GPR160: variants seen among roughly 807,000 people sequenced by gnomAD.
The protein encoded by GPR160 is probable G protein-coupled receptor 160.
Under a neutral mutation model 2.6 loss-of-function variants are expected in GPR160, and 2 were observed. The observed-to-expected ratio is 0.77, with a 90% CI of 0.32 to 2.44. The LOEUF (loss-of-function observed/expected upper bound fraction) is 2.44. Ranked by LOEUF, GPR160 falls within the 30% of genes most tolerant of loss-of-function variation. GPR160 has a pLI of 0.11. For missense variants in GPR160, 351 were observed against 383.6 expected (o/e 0.91, Z 0.71); for synonymous variants, 130 against 132.2 (o/e 0.98, Z 0.12).
At chr3:170,056,602 C>A (rs1161474638) in intron 2 of GPR160, among the ~76,000 whole-genome samples, 2 of 152,154 alleles carry the variant, frequency 1.3e-5, no homozygotes, top group Non-Finnish European at 2.9e-5. Context: ...GTCTGGGAAC[C>A]ATTCTGTTTA....
chr3:170,059,123 AT>A (rs1160896480), intron 2 of GPR160, among the ~76,000 whole-genome samples: 1 of 152,144 alleles, frequency 6.6e-6, no homozygotes, highest in Non-Finnish European at 1.5e-5. Flanking sequence ...GGGTGGGTGG[AT>A]ATTAGTGGAG....
At chr3:170,052,676 C>T (rs1416766817) in intron 2 of GPR160, among the ~76,000 whole-genome samples, 2 of 152,116 alleles carry the variant, frequency 1.3e-5, no homozygotes, top group Non-Finnish European at 2.9e-5. Context: ...GCATTTTCTC[C>T]CAGTCTGTAA....
intron 2 of GPR160, among the ~76,000 whole-genome samples, chr3:170,059,030 A>AACACAC (rs10542909): frequency 7.3e-4 from 109 of 148,900 alleles, no homozygotes; most frequent in African/African-American, 2.5e-3. Context: ...CACATGCACA[A>AACACAC]ACACACACAC....
At position 170,058,129 on chromosome 3, in the gene GPR160, A is replaced by G. The variant is rs190810810; in HGVS notation, c.-193+19086A>G. ...GGAGGGATAGGAAAAAGAACCAGTT[A>G]GAACAGTTTTGTATTAAGTCAAGTG... On this transcript the variant is annotated intron_variant, in intron 2 of 3. Transcript: ENST00000355897. 5.9e-5 allele frequency: 9 copies of G among 152,386 alleles called. No individual in the cohort carries two copies. In the East Asian group the frequency reaches 1.5e-3, roughly 26 times the overall value. 9.4% of individuals were successfully genotyped at this position (152,386 alleles called of 1,614,324 possible).
At chr3:170,072,048 A>G (rs996947981) in intron 2 of GPR160, among the ~76,000 whole-genome samples, 8 of 148,834 alleles carry the variant, frequency 5.4e-5, no homozygotes, top group Non-Finnish European at 8.9e-5. Context: ...TAAAGCTCCT[A>G]CATATATTTG....
intron 2 of GPR160, among the ~76,000 whole-genome samples, chr3:170,055,217 T>C (rs1711575926): frequency 6.6e-6 from 1 of 152,206 alleles, no homozygotes; most frequent in African/African-American, 2.4e-5. Context: ...AGAATGGTAG[T>C]GGGGCAAGCT....
At chr3:170,046,820 G>A (rs924398466) in intron 2 of GPR160, among the ~76,000 whole-genome samples, 3 of 152,204 alleles carry the variant, frequency 2.0e-5, no homozygotes, top group Admixed American at 6.5e-5. Context: ...AGGAGGTACA[G>A]AAGTGAACCC....
At chr3:170,048,774 G>A (rs1716838164) in intron 2 of GPR160, among the ~76,000 whole-genome samples, 3 of 152,140 alleles carry the variant, frequency 2.0e-5, no homozygotes, top group South Asian at 2.1e-4. Context: ...TTGTGTCGCC[G>A]GGTTCTCCCC....
chr3:170,083,941 T>C lies in GPR160; in HGVS notation c.-32T>C. The C allele has an allele frequency of 7.8e-7, 1 of 1,289,936 alleles. No individual in the cohort carries two copies. The highest frequency in any genetic ancestry group is 1.9e-5 in the South Asian group (1 of 53,638). The allele number at this position is 1,289,936 out of a possible 1,614,324, so 79.9% of individuals were successfully genotyped here. A position where few individuals can be genotyped will look rare whatever the true frequency, so the allele number is the denominator to read the frequency against. The stretch of plus-strand genomic sequence containing the variant: ...GAAGCAGTGTTTTATCATGTGTATT[T>C]CAGCAGGTCTTCTTGAAATTTAACT... On this transcript the variant is annotated 5_prime_UTR_variant, in exon 4 of 4. Coordinates refer to ENST00000355897, the MANE Select transcript of GPR160 (RefSeq NM_014373.3).
chr3:170,074,336 C>T (rs1712747072), intron 2 of GPR160, among the ~76,000 whole-genome samples: 1 of 152,046 alleles, frequency 6.6e-6, no homozygotes, highest in South Asian at 2.1e-4. Flanking sequence ...ACTCACTTTC[C>T]CAATTTTGGT....
chr3:170,082,973 GTTT>G (rs34311852), intron 3 of GPR160, among the ~76,000 whole-genome samples: 1,796 of 136,402 alleles, frequency 0.013, 38 homozygotes, highest in African/African-American at 0.046. Context: ...CATTTTTGGG[GTTT>G]TTTTTTTTTT....
At chr3:170,067,613 C>G (rs995262659) in intron 2 of GPR160, among the ~76,000 whole-genome samples, 46 of 152,240 alleles carry the variant, frequency 3.0e-4, no homozygotes, top group Non-Finnish European at 1.8e-4. Context: ...CTCCAATAGG[C>G]CCCTTCCATG....
rs960663467 is a variant in GPR160 at position 170,038,395 on chromosome 3, G to C, written c.-322+180G>C. 8 of 152,222 alleles carry C rather than the reference G, an allele frequency of 5.3e-5. No individual in the cohort carries two copies. Among genetic ancestry groups the C allele is most frequent in the African/African-American group, 1.9e-4 (8 of 41,534 alleles). The allele number at this position is 152,222 out of a possible 1,614,324, so 9.4% of individuals were successfully genotyped here. A position where few individuals can be genotyped will look rare whatever the true frequency, so the allele number is the denominator to read the frequency against. On this transcript the variant is annotated intron_variant, in intron 1 of 3. Transcript: ENST00000355897. The surrounding 1 kb of genome is among the most constrained non-coding windows in gnomAD (Gnocchi z 5.3). Reference sequence around the variant, plus strand: ...GCTGGGGGTTCTCTGCTACTTAAGAGATCCAGGAGTGGAGCCCGGACGCCC... The same window carrying C: ...GCTGGGGGTTCTCTGCTACTTAAGACATCCAGGAGTGGAGCCCGGACGCCC...
At chr3:170,066,797 A>G (rs1712369072) in intron 2 of GPR160, among the ~76,000 whole-genome samples, 1 of 152,144 alleles carries the variant, frequency 6.6e-6, no homozygotes. Flanking sequence ...CACAGGACAT[A>G]TATGTATGTT....
Position 170,062,355 on chromosome 3 carries a change from G to A in GPR160, c.-192-17419G>A, listed in dbSNP as rs922236653. 9 of 298,476 alleles carry A rather than the reference G, an allele frequency of 3.0e-5. No individual in the cohort carries two copies. The East Asian group carries it at 7.0e-4, about 23-fold the overall frequency. The allele number at this position is 298,476 out of a possible 1,614,324, so 18.5% of individuals were successfully genotyped here. On this transcript the variant is annotated intron_variant, in intron 2 of 3. Coordinates refer to ENST00000355897, the MANE Select transcript of GPR160 (RefSeq NM_014373.3). ...GGGTCCAGGGAGGCGCTGCACCGAC[G>A]TTGGGGAGAATGTATGTCCTGGCAA...
rs1030547056 is a variant in GPR160 at position 170,085,252 on chromosome 3, A to G, written c.*263A>G. The G allele has an allele frequency of 1.4e-4, 33 of 238,486 alleles. No individual in the cohort carries two copies. Among genetic ancestry groups the G allele is most frequent in the Non-Finnish European group, 2.3e-4 (27 of 116,752 alleles). 14.8% of individuals were successfully genotyped at this position (238,486 alleles called of 1,614,324 possible). ...CTTTGTTATTAACACAAAAAGTGAT[A>G]AGAGTTAACATTTGGCTATACTGAT... On this transcript the variant is annotated 3_prime_UTR_variant, in exon 4 of 4. Coordinates refer to ENST00000355897, the MANE Select transcript of GPR160 (RefSeq NM_014373.3).
intron 2 of GPR160, among the ~76,000 whole-genome samples, chr3:170,065,467 A>G (rs1712276717): frequency 6.6e-6 from 1 of 152,182 alleles, no homozygotes; most frequent in South Asian, 2.1e-4. Context: ...ATTGTACTCT[A>G]CATGGTTTTT....
chr3:170,080,959 C>A (rs1312447188), intron 3 of GPR160, among the ~76,000 whole-genome samples: 1 of 152,186 alleles, frequency 6.6e-6, no homozygotes, highest in Non-Finnish European at 1.5e-5. Context: ...CCTTGGCCTC[C>A]CAATGTGCTA....
intron 3 of GPR160, among the ~76,000 whole-genome samples, chr3:170,081,955 T>C (rs1441731119): frequency 6.6e-6 from 1 of 152,244 alleles, no homozygotes. Context: ...CCACATTTTC[T>C]TTATCCAATC....
Sources: allele counts gnomAD v4.1 joint callset (sites outside exome capture counted in the v4.1 genomes callset), GRCh38; gene constraint gnomAD v4.1.1; non-coding constraint Gnocchi (gnomAD v3.1); transcripts MANE v1.5; gene names NCBI Gene and HGNC (gene_info 2026-07-23, HGNC 2026-07-21).